The following CASQ2 variants were observed in gnomAD, a reference collection of about 807,000 sequenced individuals.
The protein encoded by CASQ2 is calsequestrin-2.
A neutral mutation model predicts 46.5 loss-of-function variants in CASQ2; 49 were observed. The ratio of observed to expected loss-of-function variants is 1.05; its 90% confidence interval spans 0.84 to 1.34. The LOEUF (loss-of-function observed/expected upper bound fraction) is 1.34. Among genes scored for constraint, CASQ2 ranks in the 40% most tolerant of loss-of-function variants. CASQ2 has a pLI of 0.00. For synonymous variants in CASQ2, 174 were observed against 168.5 expected (o/e 1.03, Z -0.25); for missense variants, 486 against 481.3 (o/e 1.01, Z -0.09).
intron 8 of CASQ2, among the ~76,000 whole-genome samples, chr1:115,706,620 A>C (rs1654370938): frequency 6.6e-6 from 1 of 152,230 alleles, no homozygotes; most frequent in Non-Finnish European, 1.5e-5. Flanking sequence ...CTAAATAATA[A>C]AGTTACATTT....
intron 1 of CASQ2, among the ~76,000 whole-genome samples, chr1:115,764,673 A>G (rs1649075388): frequency 6.6e-6 from 1 of 152,198 alleles, no homozygotes; most frequent in South Asian, 2.1e-4. Context: ...CATGTGTAGA[A>G]CATCTGCATA....
At chr1:115,760,204 A>G (rs769902648) in intron 1 of CASQ2, among the ~76,000 whole-genome samples, 12 of 152,220 alleles carry the variant, frequency 7.9e-5, no homozygotes, top group Non-Finnish European at 1.8e-4. Context: ...GAATGATCCA[A>G]AGGTCAAACA....
At chr1:115,767,678 G>A (rs1218905502) in intron 1 of CASQ2, among the ~76,000 whole-genome samples, 2 of 152,182 alleles carry the variant, frequency 1.3e-5, no homozygotes, top group African/African-American at 2.4e-5. Context: ...GCCATGTAAT[G>A]CGGATAAAAT....
chr1:115,714,735 CA>C (rs2101065768), intron 8 of CASQ2, among the ~76,000 whole-genome samples: 1 of 152,352 alleles, frequency 6.6e-6, no homozygotes, highest in South Asian at 2.1e-4. Context: ...GGGACTTTCA[CA>C]GACAAGTCTT....
At chr1:115,765,671 CTG>C (rs1381390497) in intron 1 of CASQ2, among the ~76,000 whole-genome samples, 4 of 151,856 alleles carry the variant, frequency 2.6e-5, no homozygotes, top group African/African-American at 9.7e-5. Flanking sequence ...GTGTGTGTGT[CTG>C]TGTGTGTCTG....
chr1:115,714,636 A>G (rs1233440521), intron 8 of CASQ2, among the ~76,000 whole-genome samples: 3 of 152,218 alleles, frequency 2.0e-5, no homozygotes, highest in Non-Finnish European at 4.4e-5. Context: ...CAGGAATGAC[A>G]TTCCTAGTCC....
chr1:115,735,558 GA>G (rs1160575253), intron 4 of CASQ2, among the ~76,000 whole-genome samples: 1 of 152,194 alleles, frequency 6.6e-6, no homozygotes, highest in Non-Finnish European at 1.5e-5. Context: ...ACCTTAAAAA[GA>G]GGTTAAAATG....
At chr1:115,718,681 TG>T (rs1647258899) in intron 7 of CASQ2, among the ~76,000 whole-genome samples, 1 of 151,968 alleles carries the variant, frequency 6.6e-6, no homozygotes, top group East Asian at 1.9e-4. Context: ...TTGAGAAAAG[TG>T]GTGTATGGCT....
At position 115,711,140 on chromosome 1, in the gene CASQ2, C is replaced by T. The variant is rs529974577; in HGVS notation, c.839-5848G>A. On this transcript the variant is annotated intron_variant, in intron 8 of 10. Transcript: ENST00000261448. Reference sequence around the variant, plus strand: ...CCCACTCCTGGGGGAGCTGGCTGTGCTCACTCCACAAAGGCACGGAAAGGG... The same window carrying T: ...CCCACTCCTGGGGGAGCTGGCTGTGTTCACTCCACAAAGGCACGGAAAGGG... 1.5e-3 allele frequency among the ~76,000 whole-genome samples: 225 copies of T among 152,300 alleles called. 1 individual carries two copies. The highest frequency in any genetic ancestry group is 2.5e-3 in the Non-Finnish European group (173 of 68,024).
At chr1:115,734,183 T>C (rs1195806674) in intron 4 of CASQ2, among the ~76,000 whole-genome samples, 1 of 152,144 alleles carries the variant, frequency 6.6e-6, no homozygotes, top group African/African-American at 2.4e-5. Context: ...GGGTCGAGAA[T>C]TGGGTGGAGG....
chr1:115,746,260 T>A (rs1648387425), intron 1 of CASQ2, among the ~76,000 whole-genome samples: 1 of 152,202 alleles, frequency 6.6e-6, no homozygotes, highest in South Asian at 2.1e-4. Context: ...TCCCAGTGAT[T>A]GGCTAGTATG....
At chr1:115,763,122 A>G (rs780413213) in intron 1 of CASQ2, among the ~76,000 whole-genome samples, 4 of 152,108 alleles carry the variant, frequency 2.6e-5, no homozygotes, top group Non-Finnish European at 4.4e-5. Context: ...TTTGATTTTA[A>G]TTCAGGTTGT....
intron 1 of CASQ2, among the ~76,000 whole-genome samples, chr1:115,749,206 T>C (rs1648490218): frequency 6.6e-6 from 1 of 152,178 alleles, no homozygotes; most frequent in South Asian, 2.1e-4. Context: ...AAATAAGAAG[T>C]TAACTCTGAG....
chr1:115,700,810 A>C lies in CASQ2; in HGVS notation c.*431T>G. The C allele has an allele frequency of 2.0e-6, 1 of 509,144 alleles. No homozygotes were observed. Among genetic ancestry groups the C allele is most frequent in the Non-Finnish European group, 3.4e-6 (1 of 292,514 alleles). 31.5% of individuals were successfully genotyped at this position (509,144 alleles called of 1,614,324 possible). On this transcript the variant is annotated 3_prime_UTR_variant, in exon 11 of 11. Coordinates refer to ENST00000261448, the MANE Select transcript of CASQ2 (RefSeq NM_001232.4). ...AGGTATGGAGGGAGCTAAATCATTA[A>C]TCATGTGTCTTCCCTGGGCTCTGAT...
intron 4 of CASQ2, among the ~76,000 whole-genome samples, chr1:115,735,918 T>C (rs1330069172): frequency 6.6e-6 from 1 of 152,112 alleles, no homozygotes; most frequent in Non-Finnish European, 1.5e-5. Context: ...TCCCAGCATT[T>C]TGGGAGGCCG....
intron 9 of CASQ2, among the ~76,000 whole-genome samples, chr1:115,703,199 A>G (rs1218227659): frequency 6.6e-6 from 1 of 152,206 alleles, no homozygotes; most frequent in African/African-American, 2.4e-5. Flanking sequence ...AGCATAAATT[A>G]TGGAAACATG....
At chr1:115,722,182 A>C (rs535595157) in intron 7 of CASQ2, among the ~76,000 whole-genome samples, 2 of 152,226 alleles carry the variant, frequency 1.3e-5, no homozygotes, top group Non-Finnish European at 2.9e-5. Context: ...GCTGTTCCAG[A>C]ACGGGGAGGG....
At chr1:115,739,120 C>CTTTTTTTTTTTTTTTTTTTT (rs1331430788) in intron 3 of CASQ2, among the ~76,000 whole-genome samples, 3 of 48,356 alleles carry the variant, frequency 6.2e-5, no homozygotes, top group Non-Finnish European at 8.0e-5. Flanking sequence ...ATTTTCTTTT[C>CTTTTTTTTTTTTTTTTTTTT]TTTCTTTTTG....
At chr1:115,745,364 C>G (rs1267996773) in intron 1 of CASQ2, among the ~76,000 whole-genome samples, 1 of 118,728 alleles carries the variant, frequency 8.4e-6, no homozygotes, top group Non-Finnish European at 2.2e-5. Context: ...ACATTGCGCT[C>G]AATTCCCCCA....
Sources: gnomAD v4.1 joint callset for allele counts (sites outside exome capture counted in the v4.1 genomes callset) on GRCh38, gnomAD v4.1.1 for gene constraint, MANE v1.5 for transcripts, NCBI Gene and HGNC (gene_info 2026-07-23, HGNC 2026-07-21) for gene names.